Variants in KIAA0930 observed in about 807,000 individuals in gnomAD.
KIAA0930 encodes KIAA0930, also known as uncharacterized protein KIAA0930.
KIAA0930 carries 24 observed loss-of-function variants against 43.9 expected under a neutral mutation model. The ratio of observed to expected loss-of-function variants is 0.55; its 90% confidence interval spans 0.40 to 0.77. The LOEUF (loss-of-function observed/expected upper bound fraction) is 0.77, where lower values mean the gene tolerates loss of function less well. Among genes scored for constraint, KIAA0930 ranks in the 30% least tolerant of loss-of-function variants. The pLI, the probability that KIAA0930 is intolerant of heterozygous loss-of-function variation, is 0.00. For missense variants in KIAA0930, 461 were observed against 574.2 expected, an observed-to-expected ratio of 0.80 and a Z score of 2.02; for synonymous variants, 259 against 216.4, an observed-to-expected ratio of 1.20 and a Z score of -1.73.
rs770168781 is a variant in KIAA0930, at chr22:45,199,862, T to TG, written c.1015+10dup. 45 of 1,552,334 alleles carry TG rather than the reference T, an allele frequency of 2.9e-5. No homozygotes were observed. In the Admixed American group the frequency reaches 5.7e-4, roughly 20 times the overall value. ...GGCACGGGGACCCTAGGGCACGGAG[T>TG]GGGGGGTCACCTCCACCGTCGTCCT... On this transcript the variant is annotated intron_variant, in intron 8 of 9. Coordinates refer to ENST00000336156, the MANE Select transcript of KIAA0930 (RefSeq NM_001009880.2).
intron 2 of KIAA0930, among the ~76,000 whole-genome samples, chr22:45,211,585 C>T (rs2083693670): frequency 6.6e-6 from 1 of 152,196 alleles, no homozygotes; most frequent in Non-Finnish European, 1.5e-5. Flanking sequence ...TCAGGTCACC[C>T]TGCCATGGCC....
At chr22:45,227,729 G>C (rs973741885) in intron 1 of KIAA0930, among the ~76,000 whole-genome samples, 7 of 152,184 alleles carry the variant, frequency 4.6e-5, no homozygotes, top group Admixed American at 2.6e-4. Context: ...GAGAGAACGG[G>C]CCCCACTGAA....
chr22:45,227,696 G>T (rs1388072747), intron 1 of KIAA0930, among the ~76,000 whole-genome samples: 2 of 152,180 alleles, frequency 1.3e-5, no homozygotes, highest in African/African-American at 4.8e-5. Flanking sequence ...GACTGCAGTG[G>T]TTCTGGCTCC....
At chr22:45,201,658 G>T (rs2083590064) in intron 7 of KIAA0930, among the ~76,000 whole-genome samples, 1 of 152,088 alleles carries the variant, frequency 6.6e-6, no homozygotes, top group Admixed American at 6.5e-5. Context: ...GACAAGAGAG[G>T]CCCCTGCCTG....
chr22:45,195,120 C>G lies in KIAA0930; in HGVS notation c.*2056G>C, dbSNP rs1460268258. The G allele has an allele frequency of 6.6e-6, 1 of 152,304 alleles. No homozygotes were observed. The highest frequency in any genetic ancestry group is 1.9e-4 in the East Asian group (1 of 5,200). 9.4% of individuals were successfully genotyped at this position (152,304 alleles called of 1,614,324 possible). A position where few individuals can be genotyped will look rare whatever the true frequency, so the allele number is the denominator to read the frequency against. The stretch of plus-strand genomic sequence containing the variant: ...CATCACTGTGACTGGTCCTCATGGT[C>G]ACCCTGTGAGGGGGGCAGCATTTTT... On this transcript the variant is annotated 3_prime_UTR_variant, in exon 10 of 10. Coordinates refer to ENST00000336156, the MANE Select transcript of KIAA0930 (RefSeq NM_001009880.2).
rs766104152 is a variant in KIAA0930 at position 45,205,889 on chromosome 22, C to T, written c.240G>A (p.Val80=). 6 of 1,613,612 alleles carry T rather than the reference C, an allele frequency of 3.7e-6. No homozygotes were observed. The South Asian group carries it at 5.5e-5, about 15-fold the overall frequency. ...GRKAAEPEVE[V]EVYRRDSKKL... Reference sequence around the variant, plus strand: ...TCTTGGAGTCCCGCCGGTACACCTCCACCTCCACCTCAGGCTCAGCTGCCT... The same window carrying T: ...TCTTGGAGTCCCGCCGGTACACCTCTACCTCCACCTCAGGCTCAGCTGCCT... The change falls in exon 3 of 10, where the codon GTG becomes GTA. Residue 80 remains valine, a synonymous_variant. Coordinates refer to ENST00000336156, the MANE Select transcript of KIAA0930 (RefSeq NM_001009880.2).
At chr22:45,201,407 C>T (rs749704086) in intron 7 of KIAA0930, among the ~76,000 whole-genome samples, 15 of 152,152 alleles carry the variant, frequency 9.9e-5, no homozygotes, top group East Asian at 1.9e-4. Context: ...CAGCCACTCC[C>T]GCTGGACAGA....
At chr22:45,220,796 G>A (rs1393707543) in intron 1 of KIAA0930, among the ~76,000 whole-genome samples, 1 of 151,940 alleles carries the variant, frequency 6.6e-6, no homozygotes, top group Non-Finnish European at 1.5e-5. Context: ...GCCCAGGCTG[G>A]TCTTGAACTC....
chr22:45,228,860 C>T (rs1193464298), intron 1 of KIAA0930, among the ~76,000 whole-genome samples: 1 of 80,252 alleles, frequency 1.2e-5, no homozygotes, highest in Non-Finnish European at 2.5e-5. Context: ...CTTCACCCCC[C>T]AACCACCACT....
chr22:45,235,887 C>T (rs551074338), intron 1 of KIAA0930, among the ~76,000 whole-genome samples: 9 of 152,358 alleles, frequency 5.9e-5, no homozygotes, highest in African/African-American at 1.4e-4. Flanking sequence ...AAAGGCCCCC[C>T]GGCCCCCATC....
At position 45,240,621 on chromosome 22, in the gene KIAA0930, G is replaced by GC; in HGVS notation, c.64+18dup. On this transcript the variant is annotated intron_variant, in intron 1 of 9. Transcript: ENST00000336156. Reference sequence around the variant, plus strand: ...CGCTCACCTCTCCCGGCCCGGCCTCGCCCCCGGGTCCCACTCACCGAGGCC... The same window carrying GC: ...CGCTCACCTCTCCCGGCCCGGCCTCGCCCCCCGGGTCCCACTCACCGAGGCC... The GC allele has an allele frequency of 1.3e-6, 2 of 1,514,910 alleles. No homozygotes were observed. Among genetic ancestry groups the GC allele is most frequent in the South Asian group, 2.4e-5 (2 of 83,252 alleles). 93.8% of individuals were successfully genotyped at this position (1,514,910 alleles called of 1,614,324 possible). A position where few individuals can be genotyped will look rare whatever the true frequency, so the allele number is the denominator to read the frequency against.
intron 1 of KIAA0930, 53 bp downstream of exon 1, chr22:45,240,587 C>T: frequency 2.4e-6 from 3 of 1,272,930 alleles, no homozygotes; most frequent in Non-Finnish European, 3.3e-6. Context: ...GCAGAGGCGG[C>T]CCCGGAGACG....
chr22:45,205,609 G>T (rs1247358106), intron 4 of KIAA0930, 21 bp downstream of exon 4: 1 of 1,611,488 alleles, frequency 6.2e-7, no homozygotes, highest in African/African-American at 1.3e-5. Flanking sequence ...GGAGGCTGGG[G>T]GCTCTCGTGC....
At chr22:45,204,974 G>A (rs1226177613) in intron 5 of KIAA0930, among the ~76,000 whole-genome samples, 1 of 152,190 alleles carries the variant, frequency 6.6e-6, no homozygotes, top group African/African-American at 2.4e-5. Flanking sequence ...AGCCCTGACA[G>A]TAAGTAGGAC....
chr22:45,213,303 C>T, intron 1 of KIAA0930: 1 of 1,302,906 alleles, frequency 7.7e-7, no homozygotes, highest in Non-Finnish European at 1.0e-6. Flanking sequence ...GCCCTCTGCC[C>T]AACAGTGTGT....
In KIAA0930 at chr22:45,203,727, C is replaced by G; in HGVS notation, c.657+118G>C. The G allele has an allele frequency of 2.6e-6, 3 of 1,167,706 alleles. 1 individual carries two copies. The Admixed American group carries it at 7.4e-5, about 29-fold the overall frequency. 72.3% of individuals were successfully genotyped at this position (1,167,706 alleles called of 1,614,324 possible). ...GAGCCCGGAGGGGCTGCAGGTACCC[C>G]TGGCGGCCGCTACCATGCACAAGCA... On this transcript the variant is annotated intron_variant, in intron 6 of 9. Coordinates refer to ENST00000336156, the MANE Select transcript of KIAA0930 (RefSeq NM_001009880.2).
chr22:45,199,842 G>A (rs755776356), intron 8 of KIAA0930, 31 bp downstream of exon 8: 158 of 1,513,762 alleles, frequency 1.0e-4, no homozygotes, highest in African/African-American at 8.2e-4. Flanking sequence ...TGAAGGGCAC[G>A]GGGACCCTAG....
At chr22:45,230,872 GCCCAGCCCAGATCACACTTCTTTATCC>G (rs2083848981) in intron 1 of KIAA0930, among the ~76,000 whole-genome samples, 1 of 151,742 alleles carries the variant, frequency 6.6e-6, no homozygotes, top group Non-Finnish European at 1.5e-5. Flanking sequence ...GAGCCACGTC[GCCCAGCCCAGATCACACTTCTTTATCC>G]AGTCAGACTC....
chr22:45,227,292 A>G (rs2083808062), intron 1 of KIAA0930, among the ~76,000 whole-genome samples: 1 of 152,070 alleles, frequency 6.6e-6, no homozygotes, highest in African/African-American at 2.4e-5. Flanking sequence ...TCCGCAGGCA[A>G]CGTCCTTGGA....
Sources: allele counts gnomAD v4.1 joint callset (sites outside exome capture counted in the v4.1 genomes callset), GRCh38; gene constraint gnomAD v4.1.1; transcripts MANE v1.5; gene names NCBI Gene and HGNC (gene_info 2026-07-23, HGNC 2026-07-21).